Variants in PEX1 observed in about 807,000 individuals in gnomAD.
The protein encoded by PEX1 is peroxisomal ATPase PEX1.
A neutral mutation model predicts 152.5 loss-of-function variants in PEX1; 97 were observed. The observed-to-expected ratio is 0.64, with a 90% CI of 0.54 to 0.75. The LOEUF is 0.75. PEX1 is among the 30% of genes least tolerant of loss of function. The pLI, the probability that PEX1 is intolerant of heterozygous loss-of-function variation, is 0.00. For missense variants in PEX1, 1,357 were observed against 1,516.3 expected (o/e 0.89, Z 1.74); for synonymous variants, 485 against 531.6 (o/e 0.91, Z 1.21).
chr7:92,519,051 C>A lies in PEX1; in HGVS notation c.301G>T (p.Val101Leu). 2 of 1,608,930 alleles carry A rather than the reference C, an allele frequency of 1.2e-6. No homozygotes were observed. The highest frequency in any genetic ancestry group is 1.7e-6 in the Non-Finnish European group (2 of 1,175,440). ...TCCACCTCAACTTGTTGACAAGATA[C>A]CACATGGGAACATGGCTTGAGAAAT... is the stretch of plus-strand genomic sequence containing the variant. ...QVFLKPCSHV[V>L]SCQQVEVEPL... The change falls in exon 3 of 24, where the codon GTA becomes TTA. Residue 101 changes from valine to leucine, a missense_variant. Physicochemically the swap from Val to Leu is conservative, Grantham distance 32 (BLOSUM62 1). Transcript: ENST00000248633.
intron 19 of PEX1, chr7:92,494,077 C>T (rs1373602523): frequency 1.9e-6 from 1 of 525,946 alleles, no homozygotes; most frequent in East Asian, 3.4e-5. Context: ...TCAGCCAACA[C>T]AGAAGGATTA....
At chr7:92,527,934 G>A (rs759804783) in intron 1 of PEX1, among the ~76,000 whole-genome samples, 35 of 152,244 alleles carry the variant, frequency 2.3e-4, no homozygotes, top group Non-Finnish European at 4.8e-4. Flanking sequence ...CTCGCGGCCC[G>A]GACGGCAGCA....
rs2116156411 is a variant in PEX1, at chr7:92,503,203, T to G, written c.2072-8A>C. 1 of 1,612,374 alleles carries G rather than the reference T, an allele frequency of 6.2e-7. No individual in the cohort carries two copies. Among genetic ancestry groups the G allele is most frequent in the Non-Finnish European group, 8.5e-7 (1 of 1,178,808 alleles). ...TTATCATATCATTCAAAGCTGGAAT[T>G]AAGCAATATAGTGCAAAAGCTTAGG... is the stretch of plus-strand genomic sequence containing the variant. On this transcript the variant is annotated splice_region_variant and splice_polypyrimidine_tract_variant and intron_variant, in intron 12 of 23. Transcript: ENST00000248633.
chr7:92,528,227 T>A (rs1793384935), intron 1 of PEX1, 80 bp downstream of exon 1: 1 of 1,528,128 alleles, frequency 6.5e-7, no homozygotes, highest in Middle Eastern at 2.3e-4. Flanking sequence ...TGGCAGCCGG[T>A]GTCCCGCCGC....
Position 92,487,580 on chromosome 7 carries a change from T to C in PEX1, c.3768-39A>G, listed in dbSNP as rs761960160. ...GAGATAATTTAATATGTATAAATAC[T>C]ACCATTACAAAACAAAAGATAATGG... On this transcript the variant is annotated intron_variant, in intron 23 of 23. Coordinates refer to ENST00000248633, the MANE Select transcript of PEX1 (RefSeq NM_000466.3). The C allele has an allele frequency of 1.9e-5, 17 of 895,356 alleles. No homozygotes were observed. The African/African-American group carries it at 2.5e-4, about 13-fold the overall frequency. The allele number at this position is 895,356 out of a possible 1,614,324, so 55.5% of individuals were successfully genotyped here. A position where few individuals can be genotyped will look rare whatever the true frequency, so the allele number is the denominator to read the frequency against.
chr7:92,497,879 C>T (rs1047004727), intron 16 of PEX1, among the ~76,000 whole-genome samples: 1 of 151,526 alleles, frequency 6.6e-6, no homozygotes, highest in Non-Finnish European at 1.5e-5. Flanking sequence ...GCCAGCCTGG[C>T]CAACATGGTA....
rs765535978 is a variant in PEX1, at chr7:92,491,471, C to G, written c.3239G>C (p.Ser1080Thr). 5.0e-6 allele frequency: 8 copies of G among 1,612,662 alleles called. No homozygotes were observed. The highest frequency in any genetic ancestry group is 5.9e-6 in the Non-Finnish European group (7 of 1,178,784). ...DGSSSSDSDL[S>T]LSSMVFLNHS... ...GTTAAGAAAGACCATTGAAGACAGA[C>G]TTAGGTCACTATCAGAGCTGGAACT... is the stretch of plus-strand genomic sequence containing the variant. The change falls in exon 21 of 24, where the codon AGT becomes ACT. Residue 1080 changes from serine (S) to threonine (T), a missense_variant. Transcript: ENST00000248633.
At position 92,528,447 on chromosome 7, in the gene PEX1, G is replaced by A; in HGVS notation, c.-12C>T. ...TCGCTGCCCCACATCGTCCCGGAGC[G>A]TCGCTCTGGGTTCGCCCACCCTAGC... On this transcript the variant is annotated 5_prime_UTR_variant, in exon 1 of 24. It adds an upstream start codon to the 5' untranslated region. Coordinates refer to ENST00000248633, the MANE Select transcript of PEX1 (RefSeq NM_000466.3). 8 of 1,574,932 alleles carry A rather than the reference G, an allele frequency of 5.1e-6. No individual in the cohort carries two copies. Among genetic ancestry groups the A allele is most frequent in the Admixed American group, 3.6e-5 (2 of 55,264 alleles).
intron 11 of PEX1, 97 bp downstream of exon 11, chr7:92,506,150 AG>A: frequency 1.3e-6 from 1 of 748,640 alleles, no homozygotes; most frequent in South Asian, 1.5e-5. Flanking sequence ...GTTAAAGACT[AG>A]ATGATATGTG....
chr7:92,492,922 AATGTCAT>A (rs1562846040), intron 20 of PEX1, 24 bp downstream of exon 20: 1 of 1,566,452 alleles, frequency 6.4e-7, no homozygotes, highest in Non-Finnish European at 8.8e-7. Context: ...TCACTCATAA[AATGTCAT>A]AACAACTTCC....
At chr7:92,515,996 A>AG (rs1554374767) in intron 5 of PEX1, among the ~76,000 whole-genome samples, 10 of 122,346 alleles carry the variant, frequency 8.2e-5, no homozygotes, top group Non-Finnish European at 1.0e-4. Flanking sequence ...TCTAACTCAA[A>AG]AAAAGAAAAG....
rs151041559 is a variant in PEX1, at chr7:92,517,870, G to C, written c.645C>G (p.Thr215=). Reference sequence around the variant, plus strand: ...CCACAGTATTTGACTGAAGTTGCTTGGTTTGAAGTTCTTTCATCATTCCTT... The same window carrying C: ...CCACAGTATTTGACTGAAGTTGCTTCGTTTGAAGTTCTTTCATCATTCCTT... ...DQKGMMKELQ[T]KQLQSNTVGI... The change falls in exon 5 of 24, where the codon ACC becomes ACG. Residue 215 remains threonine (T), a synonymous_variant. Transcript: ENST00000248633. 164 of 1,542,144 alleles carry C rather than the reference G, an allele frequency of 1.1e-4. 2 individuals are homozygous for C. The African/African-American group carries it at 2.1e-3, about 20-fold the overall frequency.
At chr7:92,503,415 A>C (rs1010791974) in intron 12 of PEX1, among the ~76,000 whole-genome samples, 6 of 152,166 alleles carry the variant, frequency 3.9e-5, no homozygotes, top group African/African-American at 1.2e-4. Context: ...AGGTACTGCA[A>C]ACTCAGACCA....
At chr7:92,520,457 CAAGTTA>C (rs944273161) in intron 2 of PEX1, among the ~76,000 whole-genome samples, 2 of 152,122 alleles carry the variant, frequency 1.3e-5, no homozygotes, top group Non-Finnish European at 2.9e-5. Context: ...GTGCTCAAAA[CAAGTTA>C]AAAAGACATG....
chr7:92,523,480 C>G (rs1793138398), intron 1 of PEX1, among the ~76,000 whole-genome samples: 1 of 151,908 alleles, frequency 6.6e-6, no homozygotes, highest in Non-Finnish European at 1.5e-5. Context: ...CACCACCACA[C>G]CTAGCCATTT....
intron 15 of PEX1, among the ~76,000 whole-genome samples, chr7:92,501,281 A>T (rs1377545128): frequency 6.6e-6 from 1 of 152,170 alleles, no homozygotes; most frequent in Non-Finnish European, 1.5e-5. Flanking sequence ...CTGTGAGTGT[A>T]CTCCAGCCTA....
In PEX1 at chr7:92,503,174, T is replaced by C. The variant is rs1792018002; in HGVS notation, c.2093A>G (p.Glu698Gly). Reference sequence around the variant, plus strand: ...AACCAAACTTCCCATGGAGATAAACTCTTTTATCATATCATTCAAAGCTGG... The same window carrying C: ...AACCAAACTTCCCATGGAGATAAACCCTTTTATCATATCATTCAAAGCTGG... ...LAHALNDMIK[E>G]FISMGSLVAL... The change falls in exon 13 of 24, where the codon GAG becomes GGG. Residue 698 changes from glutamate (E) to glycine (G), a missense_variant. Glu to Gly is a moderately conservative substitution (Grantham distance 98). Transcript: ENST00000248633. 2 of 1,613,608 alleles carry C rather than the reference T, an allele frequency of 1.2e-6. No individual in the cohort carries two copies. The highest frequency in any genetic ancestry group is 1.7e-6 in the Non-Finnish European group (2 of 1,179,678).
chr7:92,488,717 C>T (rs1457961700), intron 23 of PEX1, among the ~76,000 whole-genome samples: 10 of 151,330 alleles, frequency 6.6e-5, no homozygotes, highest in Non-Finnish European at 8.8e-5. Flanking sequence ...CTTATTTCTT[C>T]GAAGTTACTA....
At chr7:92,510,139 A>C (rs1194899361) in intron 8 of PEX1, among the ~76,000 whole-genome samples, 8 of 74,878 alleles carry the variant, frequency 1.1e-4, no homozygotes, top group Non-Finnish European at 2.2e-4. Context: ...GTGAGACTCC[A>C]TCTCAAAAAA....
Sources: gnomAD v4.1 joint callset for allele counts (sites outside exome capture counted in the v4.1 genomes callset) on GRCh38, gnomAD v4.1.1 for gene constraint, MANE v1.5 for transcripts, NCBI Gene and HGNC (gene_info 2026-07-23, HGNC 2026-07-21) for gene names.